MPRIP: variants seen among roughly 807,000 people sequenced by gnomAD.
MPRIP encodes myosin phosphatase Rho-interacting protein.
In MPRIP, 59 loss-of-function variants were observed where a neutral mutation model predicts 234.9. The ratio of observed to expected loss-of-function variants is 0.25; its 90% CI spans 0.20 to 0.31. MPRIP has a LOEUF of 0.31. MPRIP is among the 10% of genes least tolerant of loss of function. The pLI, the probability that MPRIP is intolerant of heterozygous loss-of-function variation, is 1.00. For synonymous variants in MPRIP, 1,144 were observed against 1,263.9 expected (o/e 0.91, Z 2.01); for missense variants, 2,436 against 3,071.0 (o/e 0.79, Z 4.89).
chr17:17,142,720 C>G lies in MPRIP; in HGVS notation c.1344C>G (p.Asp448Glu), dbSNP rs754252940. ...TNAVGPSPSS[D>E]TRQGRSEKRA... ...CAGTGGGGCCCTCACCATCCAGCGA[C>G]ACACGCCAGGGCCGCAGCGAGAAGA... is the stretch of plus-strand genomic sequence containing the variant. Residue 448 changes from aspartate to glutamate, a missense_variant, in exon 8 of 24, where the codon GAC becomes GAG. Coordinates refer to ENST00000651222, the MANE Select transcript of MPRIP (RefSeq NM_001364716.4). 12 of 1,612,578 alleles carry G rather than the reference C, an allele frequency of 7.4e-6. No homozygotes were observed. The highest frequency in any genetic ancestry group is 1.0e-5 in the Non-Finnish European group (12 of 1,179,992).
At chr17:17,139,517 T>A (rs1400318608) in intron 7 of MPRIP, among the ~76,000 whole-genome samples, 1 of 152,216 alleles carries the variant, frequency 6.6e-6, no homozygotes, top group African/African-American at 2.4e-5. Context: ...GGAAGTCTTC[T>A]CAGAGTGTCC....
At chr17:17,079,321 T>C (rs919102580) in intron 3 of MPRIP, among the ~76,000 whole-genome samples, 1 of 152,196 alleles carries the variant, frequency 6.6e-6, no homozygotes, top group South Asian at 2.1e-4. Context: ...GATTAGAGCA[T>C]AGGGGGTTTT....
chr17:17,087,538 T>A (rs1356047201), intron 3 of MPRIP, among the ~76,000 whole-genome samples: 2 of 152,202 alleles, frequency 1.3e-5, no homozygotes, highest in African/African-American at 2.4e-5. Flanking sequence ...CAGGTCACCC[T>A]GGGTCATTCT....
rs1383696342 is a variant in MPRIP, at chr17:17,166,437, G to T, written c.4846G>T (p.Ala1616Ser). The T allele has an allele frequency of 7.7e-7, 1 of 1,304,260 alleles. No homozygotes were observed. The highest frequency in any genetic ancestry group is 1.0e-6 in the Non-Finnish European group (1 of 988,988). 80.8% of individuals were successfully genotyped at this position (1,304,260 alleles called of 1,614,324 possible). The change falls in exon 16 of 24, where the codon GCC becomes TCC. Residue 1616 changes from alanine (A) to serine (S), a missense_variant. Around this residue, in one of 4 missense-constraint regions of MPRIP, gnomAD observed 1,998 missense variants for 2,520.3 expected, o/e 0.79. Coordinates refer to ENST00000651222, the MANE Select transcript of MPRIP (RefSeq NM_001364716.4). The surrounding 1 kb of genome is among the most constrained non-coding windows in gnomAD (Gnocchi z 4.4). ...TGCTGGGGCCCCCGTAGACACCTGG[G>T]CCAGGAAGGTCCTAGTGGATGGTGA... ...ESAGAPVDTWARKVLVDGEFW... is the reference protein window; with the variant it reads ...ESAGAPVDTWSRKVLVDGEFW...
intron 12 of MPRIP, among the ~76,000 whole-genome samples, chr17:17,151,175 C>T (rs975020504): frequency 2.0e-5 from 3 of 152,066 alleles, no homozygotes; most frequent in African/African-American, 7.2e-5. Context: ...CCAGTCCTGC[C>T]CCCACTTCTG....
At chr17:17,180,267 T>C (rs1382608592) in intron 23 of MPRIP, 179 bp downstream of exon 23, 2 of 617,418 alleles carry the variant, frequency 3.2e-6, no homozygotes, top group Admixed American at 3.1e-5. Context: ...TCTGTGTCTG[T>C]CTTGGAGCCA....
intron 17 of MPRIP, 135 bp from the exon 18 acceptor site, chr17:17,172,563 A>G (rs2144671131): frequency 6.1e-6 from 4 of 654,930 alleles, no homozygotes; most frequent in Non-Finnish European, 7.8e-6. Context: ...CTGTCATGCA[A>G]AATCCAACTG....
chr17:17,126,280 G>A (rs1031057667), intron 3 of MPRIP, among the ~76,000 whole-genome samples: 4 of 152,300 alleles, frequency 2.6e-5, no homozygotes, highest in African/African-American at 7.2e-5. Flanking sequence ...TGCTCTCAAG[G>A]ATGTGGCTTC....
chr17:17,137,513 A>AG (rs1208013509), intron 6 of MPRIP, among the ~76,000 whole-genome samples: 10 of 38,872 alleles, frequency 2.6e-4, no homozygotes, highest in Admixed American at 1.5e-3. Context: ...ATTGCATCTC[A>AG]AAAAAAAAAA....
chr17:17,070,904 T>TG (rs995894517), intron 1 of MPRIP, among the ~76,000 whole-genome samples: 14 of 152,214 alleles, frequency 9.2e-5, no homozygotes, highest in Non-Finnish European at 1.8e-4. Context: ...AGTGCTTCCG[T>TG]GGGGGAAGGG....
chr17:17,070,700 C>T (rs1474258195), intron 1 of MPRIP, among the ~76,000 whole-genome samples: 1 of 152,162 alleles, frequency 6.6e-6, no homozygotes, highest in Non-Finnish European at 1.5e-5. Flanking sequence ...GCTTTAAAAT[C>T]TTTAAATGTG....
At chr17:17,079,890 G>A (rs542617916) in intron 3 of MPRIP, among the ~76,000 whole-genome samples, 17 of 152,298 alleles carry the variant, frequency 1.1e-4, no homozygotes, top group East Asian at 3.9e-4. Flanking sequence ...AATTGAGGCC[G>A]CTTAGCCAGG....
At chr17:17,152,329 C>T (rs1227279971) in intron 12 of MPRIP, among the ~76,000 whole-genome samples, 3 of 152,274 alleles carry the variant, frequency 2.0e-5, no homozygotes, top group Non-Finnish European at 4.4e-5. Flanking sequence ...TCATGAGCAG[C>T]TTTCTCCAGG....
At chr17:17,123,383 CA>C (rs759881946) in intron 3 of MPRIP, among the ~76,000 whole-genome samples, 59 of 152,122 alleles carry the variant, frequency 3.9e-4, no homozygotes, top group Non-Finnish European at 6.6e-4. Flanking sequence ...AAAGTTAGGC[CA>C]GGGGCGGTGG....
At chr17:17,052,495 A>C (rs1227844765) in intron 1 of MPRIP, among the ~76,000 whole-genome samples, 1 of 151,754 alleles carries the variant, frequency 6.6e-6, no homozygotes, top group African/African-American at 2.4e-5. Flanking sequence ...AGACCTGGAG[A>C]GGTTCAGCAG....
At chr17:17,142,825 C>G (rs2144508657) in intron 8 of MPRIP, 60 bp downstream of exon 8, 1 of 1,573,898 alleles carries the variant, frequency 6.4e-7, no homozygotes, top group Admixed American at 1.7e-5. Context: ...CAGCATGCAC[C>G]CCATGCGCCA....
intron 1 of MPRIP, among the ~76,000 whole-genome samples, chr17:17,058,229 G>A (rs1422793070): frequency 1.3e-5 from 2 of 152,180 alleles, no homozygotes; most frequent in Non-Finnish European, 2.9e-5. Flanking sequence ...AGGTGCTTAT[G>A]TTTGTGGTCC....
chr17:17,172,554 T>C, intron 17 of MPRIP, 144 bp from the exon 18 acceptor site: 1 of 621,542 alleles, frequency 1.6e-6, no homozygotes, highest in Non-Finnish European at 2.8e-6. Flanking sequence ...GGGGCCAGCC[T>C]GTCATGCAAA....
intron 5 of MPRIP, among the ~76,000 whole-genome samples, chr17:17,133,257 G>C (rs745669773): frequency 1.3e-5 from 2 of 152,190 alleles, no homozygotes; most frequent in East Asian, 3.9e-4. Flanking sequence ...ACAACCTTGC[G>C]GGGTCTCTCC....
Sources: gnomAD v4.1 joint callset for allele counts (sites outside exome capture counted in the v4.1 genomes callset) on GRCh38, gnomAD v4.1.1 for gene constraint, gnomAD v4.1.1 regional missense constraint, Gnocchi (gnomAD v3.1) non-coding constraint, MANE v1.5 for transcripts, NCBI Gene and HGNC (gene_info 2026-07-23, HGNC 2026-07-21) for gene names.